TBC1D5: variants seen among roughly 807,000 people sequenced by gnomAD.
The protein encoded by TBC1D5 is TBC1 domain family member 5, also known as TBC1 domain family, member 5.
Under a neutral mutation model 100.3 loss-of-function variants are expected in TBC1D5, and 75 were observed. That is an observed-to-expected ratio of 0.75 (90% CI 0.62 to 0.91). TBC1D5 has a LOEUF of 0.91. Ranked by LOEUF, TBC1D5 falls within the 40% of genes least tolerant of loss-of-function variation. The pLI is 0.00. For synonymous variants in TBC1D5, 323 were observed against 325.6 expected (o/e 0.99, Z 0.09); for missense variants, 910 against 942.4 (o/e 0.97, Z 0.45).
At position 17,201,846 on chromosome 3, in the gene TBC1D5, C is replaced by A. The variant is rs147983665; in HGVS notation, c.1752+12361G>T. 1.6e-3 allele frequency among the ~76,000 whole-genome samples: 240 copies of A among 152,290 alleles called. 1 individual carries two copies. Among genetic ancestry groups the A allele is most frequent in the African/African-American group, 5.4e-3 (223 of 41,574 alleles). On this transcript the variant is annotated intron_variant, in intron 18 of 21. Transcript: ENST00000253692. ...ATCTGGAACTTTGAGCCAATTAAAT[C>A]TTTTCTTTATACTTTACCCAGTCTC... is the stretch of plus-strand genomic sequence containing the variant.
At chr3:17,344,212 G>C (rs1205350831) in intron 13 of TBC1D5, among the ~76,000 whole-genome samples, 1 of 152,112 alleles carries the variant, frequency 6.6e-6, no homozygotes, top group African/African-American at 2.4e-5. Context: ...AGCAACTTCA[G>C]CAAAGTCTCA....
At chr3:17,628,943 A>G (rs550064206) in intron 1 of TBC1D5, among the ~76,000 whole-genome samples, 1 of 152,244 alleles carries the variant, frequency 6.6e-6, no homozygotes, top group South Asian at 2.1e-4. Flanking sequence ...ATTTTCACTG[A>G]CAGCACACGG....
intron 13 of TBC1D5, among the ~76,000 whole-genome samples, chr3:17,335,350 C>T (rs778330872): frequency 6.6e-6 from 1 of 151,992 alleles, no homozygotes; most frequent in Non-Finnish European, 1.5e-5. Flanking sequence ...ATAGGTGACA[C>T]CTTTGCATTG....
chr3:17,329,867 A>G (rs1305843423), intron 13 of TBC1D5, among the ~76,000 whole-genome samples: 1 of 152,156 alleles, frequency 6.6e-6, no homozygotes, highest in Non-Finnish European at 1.5e-5. Context: ...CCAATATCCA[A>G]TCTTTGATAA....
intron 1 of TBC1D5, among the ~76,000 whole-genome samples, chr3:17,666,255 G>T (rs766498569): frequency 6.6e-6 from 1 of 152,032 alleles, no homozygotes; most frequent in Non-Finnish European, 1.5e-5. Flanking sequence ...ATAAAAATAC[G>T]TATTGAGCAC....
chr3:17,653,403 T>A (rs2065769526), intron 1 of TBC1D5, among the ~76,000 whole-genome samples: 2 of 152,098 alleles, frequency 1.3e-5, no homozygotes, highest in Non-Finnish European at 2.9e-5. Flanking sequence ...TCAGAGGACA[T>A]CATCTCTACA....
chr3:17,500,216 T>G (rs1432786917), intron 3 of TBC1D5, among the ~76,000 whole-genome samples: 1 of 149,368 alleles, frequency 6.7e-6, no homozygotes, highest in Non-Finnish European at 1.5e-5. Flanking sequence ...TGGAAGATTT[T>G]GAATAAAACT....
rs747405998 is a variant in TBC1D5, at chr3:17,175,504, A to G, written c.1853-7676T>C. ...ACATTAGGGTCAACCAAAAAAGGAGACTTTACACATATTTTTAAACTTGAA... is the reference window on the plus strand; with the variant it reads ...ACATTAGGGTCAACCAAAAAAGGAGGCTTTACACATATTTTTAAACTTGAA... On this transcript the variant is annotated intron_variant, in intron 19 of 21. Coordinates refer to ENST00000253692, the Ensembl canonical transcript of TBC1D5. Among the ~76,000 whole-genome samples, 69 of 152,340 alleles carry G rather than the reference A, an allele frequency of 4.5e-4. 2 individuals are homozygous for G. Among genetic ancestry groups the G allele is most frequent in the Non-Finnish European group, 3.4e-4 (23 of 68,028 alleles).
intron 2 of TBC1D5, among the ~76,000 whole-genome samples, chr3:17,535,273 C>T (rs575278247): frequency 6.6e-6 from 1 of 152,164 alleles, no homozygotes; most frequent in Non-Finnish European, 1.5e-5. Context: ...AAAGCTATCT[C>T]CCAACAGGTT....
At chr3:17,399,410 G>A (rs2093591914) in intron 8 of TBC1D5, among the ~76,000 whole-genome samples, 1 of 152,072 alleles carries the variant, frequency 6.6e-6, no homozygotes, top group Non-Finnish European at 1.5e-5. Context: ...AGAAACTTAT[G>A]AATGTGAGAA....
chr3:17,698,286 T>C (rs376127526), intron 1 of TBC1D5, among the ~76,000 whole-genome samples: 9 of 152,228 alleles, frequency 5.9e-5, no homozygotes, highest in East Asian at 3.9e-4. Flanking sequence ...AAAACAAGCA[T>C]TGGGGAAAGG....
rs371929774 is a variant in TBC1D5 at position 17,634,067 on chromosome 3, C to G, written c.-100-10154G>C. Among the ~76,000 whole-genome samples, 42 of 152,140 alleles carry G rather than the reference C, an allele frequency of 2.8e-4. No individual in the cohort carries two copies. The East Asian group carries it at 4.8e-3, about 18-fold the overall frequency. On this transcript the variant is annotated intron_variant, in intron 1 of 21. Coordinates refer to ENST00000253692, the Ensembl canonical transcript of TBC1D5. ...CTTATAGTTATAGCCAAAAGACAGG[C>G]AATAACAAATGCTTGTGAGGATGTG... is the stretch of plus-strand genomic sequence containing the variant.
chr3:17,167,089 C>CT lies in TBC1D5; in HGVS notation c.1933-162dup, dbSNP rs1017989072. On this transcript the variant is annotated intron_variant, in intron 20 of 21. Transcript: ENST00000253692. ...AAGAAACAAATAATGAGAAAAAAAT[C>CT]TAATTTTATCACAGCTGCTGGCTTA... Among the ~76,000 whole-genome samples the CT allele has an allele frequency of 1.3e-4, 20 of 152,122 alleles. 1 individual carries two copies.
intron 13 of TBC1D5, among the ~76,000 whole-genome samples, chr3:17,325,014 T>C (rs1254993068): frequency 6.6e-6 from 1 of 152,194 alleles, no homozygotes; most frequent in Non-Finnish European, 1.5e-5. Flanking sequence ...CAAAATAGCA[T>C]AGCCATTTTG....
intron 14 of TBC1D5, among the ~76,000 whole-genome samples, chr3:17,300,109 T>G (rs2082679620): frequency 6.6e-6 from 1 of 152,098 alleles, no homozygotes; most frequent in Non-Finnish European, 1.5e-5. Context: ...TAGTGAAACA[T>G]GAGGAGACTG....
At chr3:17,588,520 G>A (rs1002309252) in intron 2 of TBC1D5, among the ~76,000 whole-genome samples, 3 of 152,084 alleles carry the variant, frequency 2.0e-5, no homozygotes, top group African/African-American at 7.2e-5. Flanking sequence ...CCCTGGGACT[G>A]CAATAATTTA....
intron 8 of TBC1D5, among the ~76,000 whole-genome samples, chr3:17,387,283 C>G (rs2093190975): frequency 6.6e-6 from 1 of 152,088 alleles, no homozygotes. Context: ...AACAGAAGCA[C>G]AGAGAAATAA....
intron 2 of TBC1D5, among the ~76,000 whole-genome samples, chr3:17,590,680 C>T (rs1468719150): frequency 3.3e-5 from 5 of 152,100 alleles, no homozygotes; most frequent in African/African-American, 9.7e-5. Context: ...TATTTAAATA[C>T]GATGGGAACA....
chr3:17,344,304 C>T (rs2089519510), intron 13 of TBC1D5, among the ~76,000 whole-genome samples: 2 of 152,100 alleles, frequency 1.3e-5, no homozygotes, highest in Admixed American at 1.3e-4. Context: ...CATGAGTGAA[C>T]TCCCATTCAC....
Sources: gnomAD v4.1 joint callset for allele counts (sites outside exome capture counted in the v4.1 genomes callset) on GRCh38, gnomAD v4.1.1 for gene constraint, MANE v1.5 for transcripts, NCBI Gene and HGNC (gene_info 2026-07-23, HGNC 2026-07-21) for gene names.